The following PACS1 variants were observed in gnomAD, a reference collection of about 807,000 sequenced individuals.
PACS1 encodes PACS-1.
PACS1 carries 24 observed loss-of-function variants against 115.0 expected under a neutral mutation model. The observed-to-expected ratio is 0.21, with a 90% confidence interval of 0.15 to 0.29. The LOEUF is 0.29. Among genes scored for constraint, PACS1 ranks in the 10% least tolerant of loss-of-function variants. PACS1 has a pLI of 1.00. For missense variants in PACS1, 838 were observed against 1,251.2 expected (o/e 0.67, Z 4.98); for synonymous variants, 453 against 504.5 (o/e 0.90, Z 1.37).
At chr11:66,240,034 G>A (rs1197210838) in intron 21 of PACS1, among the ~76,000 whole-genome samples, 3 of 152,280 alleles carry the variant, frequency 2.0e-5, no homozygotes, top group Admixed American at 6.5e-5. Flanking sequence ...TTTTAGGGAC[G>A]TGGATTGTCT....
intron 1 of PACS1, chr11:66,100,883 G>T (rs1857902160): frequency 2.2e-6 from 1 of 456,270 alleles, no homozygotes; most frequent in Non-Finnish European, 4.4e-6. Context: ...CGGTACGGTG[G>T]CTGGGTTCCA....
At chr11:66,212,167 C>G (rs1010101702) in intron 4 of PACS1, among the ~76,000 whole-genome samples, 1 of 150,678 alleles carries the variant, frequency 6.6e-6, no homozygotes, top group African/African-American at 2.4e-5. Context: ...GAGTCTTGCT[C>G]TGTCGCCAGG....
intron 1 of PACS1, among the ~76,000 whole-genome samples, chr11:66,120,477 T>G (rs999950668): frequency 4.6e-5 from 7 of 152,204 alleles, no homozygotes; most frequent in Non-Finnish European, 1.0e-4. Context: ...ATGAAAGAGA[T>G]ATGACGTTCC....
chr11:66,107,799 A>G (rs935400958), intron 1 of PACS1, among the ~76,000 whole-genome samples: 15 of 152,240 alleles, frequency 9.9e-5, no homozygotes, highest in Admixed American at 6.5e-4. Context: ...TAGAGAAACC[A>G]GCATAGAGAA....
intron 1 of PACS1, among the ~76,000 whole-genome samples, chr11:66,114,740 G>A (rs1858266085): frequency 6.6e-6 from 1 of 152,132 alleles, no homozygotes; most frequent in Non-Finnish European, 1.5e-5. Flanking sequence ...CTTTGTTTCA[G>A]AAGAAAAAGT....
chr11:66,162,411 C>T (rs959483295), intron 1 of PACS1, among the ~76,000 whole-genome samples: 9 of 152,136 alleles, frequency 5.9e-5, no homozygotes, highest in African/African-American at 1.9e-4. Context: ...CCTGAGCCAC[C>T]GCGCCTGGCC....
chr11:66,237,066 G>A (rs1190945), intron 19 of PACS1, among the ~76,000 whole-genome samples: 2,084 of 152,202 alleles, frequency 0.014, 39 homozygotes, highest in African/African-American at 0.047. Context: ...TTACAGGCAC[G>A]TGCCACCACA....
chr11:66,215,938 TAATAATAATAATAAAC>T (rs1469572829), intron 4 of PACS1, among the ~76,000 whole-genome samples, 165 bp from the exon 5 acceptor site: 3 of 147,456 alleles, frequency 2.0e-5, no homozygotes, highest in African/African-American at 7.5e-5. Context: ...ATAATAATAA[TAATAATAATAATAAAC>T]AAAGTAAGAC....
rs1859896247 is a variant in PACS1, at chr11:66,177,567, T to G, written c.357-15919T>G. 2.0e-5 allele frequency among the ~76,000 whole-genome samples: 3 copies of G among 152,310 alleles called. No individual in the cohort carries two copies. In the South Asian group the frequency reaches 6.2e-4, roughly 32 times the overall value. ...GTGTGCTGATTTGCTGCACCTACTC[T>G]ATCCTTCTATTAAAAGTCCACCTTC... On this transcript the variant is annotated intron_variant, in intron 1 of 23. Transcript: ENST00000320580.
At chr11:66,241,210 C>T in intron 21 of PACS1, 1 of 525,694 alleles carries the variant, frequency 1.9e-6, no homozygotes, top group Non-Finnish European at 3.4e-6. Context: ...ATTTGGTTTC[C>T]TTTTCGTGAC....
Position 66,191,022 on chromosome 11 carries a change from C to T in PACS1, c.357-2464C>T, listed in dbSNP as rs552274165. On this transcript the variant is annotated intron_variant, in intron 1 of 23. Transcript: ENST00000320580. Reference sequence around the variant, plus strand: ...AAACTTCGTGACTTCACACAACACACGTTTATTATCTTGCATTTCTGCAGG... The same window carrying T: ...AAACTTCGTGACTTCACACAACACATGTTTATTATCTTGCATTTCTGCAGG... 1.4e-4 allele frequency among the ~76,000 whole-genome samples: 21 copies of T among 152,314 alleles called. No individual in the cohort carries two copies. In the East Asian group the frequency reaches 3.1e-3, roughly 22 times the overall value.
chr11:66,209,452 ACCGG>A (rs1855020991), intron 2 of PACS1, among the ~76,000 whole-genome samples: 1 of 152,200 alleles, frequency 6.6e-6, no homozygotes. Flanking sequence ...GACTGACACT[ACCGG>A]CCTCTTCCCC....
intron 1 of PACS1, among the ~76,000 whole-genome samples, chr11:66,087,289 G>A (rs1300447558): frequency 2.0e-5 from 3 of 151,218 alleles, no homozygotes; most frequent in Non-Finnish European, 1.5e-5. Context: ...CGCCTAGGCT[G>A]GAGTGCAATG....
intron 1 of PACS1, among the ~76,000 whole-genome samples, chr11:66,155,757 G>A (rs1458390633): frequency 2.6e-5 from 4 of 152,128 alleles, no homozygotes; most frequent in African/African-American, 4.8e-5. Context: ...GAATGAAAAC[G>A]CAGAGGCTTC....
intron 1 of PACS1, among the ~76,000 whole-genome samples, chr11:66,087,757 C>T (rs573443153): frequency 6.6e-6 from 1 of 152,286 alleles, no homozygotes; most frequent in Admixed American, 6.5e-5. Flanking sequence ...TTGTACATGT[C>T]TGTTGGTAGA....
intron 1 of PACS1, among the ~76,000 whole-genome samples, chr11:66,166,435 C>G (rs1859604003): frequency 6.6e-6 from 1 of 151,830 alleles, no homozygotes; most frequent in African/African-American, 2.4e-5. Context: ...GCGTGAGCCA[C>G]CATGCACAGC....
chr11:66,161,677 A>G (rs1474953083), intron 1 of PACS1, among the ~76,000 whole-genome samples: 4 of 152,244 alleles, frequency 2.6e-5, no homozygotes, highest in Admixed American at 1.3e-4. Flanking sequence ...CTATTACTCT[A>G]ATTTCATTGG....
chr11:66,154,426 G>A (rs1859309553), intron 1 of PACS1, among the ~76,000 whole-genome samples: 1 of 152,166 alleles, frequency 6.6e-6, no homozygotes, highest in Non-Finnish European at 1.5e-5. Flanking sequence ...GCAACAGAGT[G>A]AGACCCTGTC....
At chr11:66,074,630 A>G (rs980699111) in intron 1 of PACS1, among the ~76,000 whole-genome samples, 1 of 152,162 alleles carries the variant, frequency 6.6e-6, no homozygotes, top group Non-Finnish European at 1.5e-5. Context: ...GCATACCCTT[A>G]TGTGTATGTG....
Sources: gnomAD v4.1 joint callset for allele counts (sites outside exome capture counted in the v4.1 genomes callset) on GRCh38, gnomAD v4.1.1 for gene constraint, MANE v1.5 for transcripts, NCBI Gene and HGNC (gene_info 2026-07-23, HGNC 2026-07-21) for gene names.